CASK: variants seen among roughly 807,000 people sequenced by gnomAD.
The protein encoded by CASK is calcium/calmodulin dependent serine protein kinase.
In CASK, 4 loss-of-function variants were observed where a neutral mutation model predicts 82.9. That is an observed-to-expected ratio of 0.05 (90% CI 0.02 to 0.11). The LOEUF (loss-of-function observed/expected upper bound fraction) is 0.11. Ranked by LOEUF, CASK falls within the 10% of genes least tolerant of loss-of-function variation. CASK has a pLI of 1.00. For synonymous variants in CASK, 259 were observed against 253.5 expected (o/e 1.02, Z -0.20); for missense variants, 358 against 720.9 (o/e 0.50, Z 5.76).
chrX:41,594,759 G>A (rs920529995), intron 12 of CASK, among the ~76,000 whole-genome samples: 12 of 111,735 alleles, frequency 1.1e-4, no homozygotes, highest in African/African-American at 3.3e-4. Flanking sequence ...AAAGCTATGT[G>A]GTAACCCCTG....
rs186167426 is a variant in CASK, at chrX:41,807,011, C to A, written c.173-19728G>T. On this transcript the variant is annotated intron_variant, in intron 2 of 26. Transcript: ENST00000378163. ...AAATTAAATCACAATAAAAAACCCC[C>A]AAAAATCAAAATAAAACAATCTAAG... 3.6e-5 allele frequency among the ~76,000 whole-genome samples: 4 copies of A among 111,469 alleles called. No homozygotes were observed. The Admixed American group carries it at 3.8e-4, about 11-fold the overall frequency.
At chrX:41,522,987 GCTGGTACTTA>G (rs2064659567) in intron 26 of CASK, 1 of 112,241 alleles carries the variant, frequency 8.9e-6, no homozygotes, top group African/African-American at 3.2e-5. Flanking sequence ...CCACCTCCTA[GCTGGTACTTA>G]CAGGCAATTT....
rs184147856 is a variant in CASK, at chrX:41,555,278, G to A, written c.1842+322C>T. ...AAGAATAACTTTTTAGTTAGTCTTA[G>A]AATTCTAAGAATTTTATAACCTTTA... is the stretch of plus-strand genomic sequence containing the variant. On this transcript the variant is annotated intron_variant, in intron 20 of 26. Coordinates refer to ENST00000378163, the MANE Select transcript of CASK (RefSeq NM_001367721.1). 1.3e-4 allele frequency among the ~76,000 whole-genome samples: 15 copies of A among 112,057 alleles called. 1 individual carries two copies. The East Asian group carries it at 4.1e-3, about 31-fold the overall frequency.
intron 8 of CASK, among the ~76,000 whole-genome samples, chrX:41,641,158 G>A (rs776629004): frequency 4.6e-5 from 5 of 109,612 alleles, no homozygotes; most frequent in Non-Finnish European, 7.6e-5. Flanking sequence ...GCTAATTTTT[G>A]TATTTTTAGT....
chrX:41,695,840 G>GGA, intron 5 of CASK: 1 of 1,203,109 alleles, frequency 8.3e-7, no homozygotes, highest in Non-Finnish European at 1.1e-6. Flanking sequence ...TCGTGGGACT[G>GGA]GTTGGGAACA....
At chrX:41,908,443 T>C (rs1335242232) in intron 1 of CASK, among the ~76,000 whole-genome samples, 1 of 111,052 alleles carries the variant, frequency 9.0e-6, no homozygotes, top group Non-Finnish European at 1.9e-5. Context: ...ACAAGGTGGG[T>C]TTTCTCTTGA....
intron 3 of CASK, among the ~76,000 whole-genome samples, chrX:41,757,756 T>A (rs563532425): frequency 7.2e-5 from 8 of 111,811 alleles, no homozygotes; most frequent in African/African-American, 2.6e-4. Context: ...CACCTCAACC[T>A]CCCGAAGTGT....
intron 22 of CASK, among the ~76,000 whole-genome samples, chrX:41,538,847 G>A (rs1449073548): frequency 1.8e-5 from 2 of 111,841 alleles, no homozygotes; most frequent in East Asian, 5.6e-4. Flanking sequence ...GGGTTAAGGA[G>A]TACATACTTG....
intron 1 of CASK, among the ~76,000 whole-genome samples, chrX:41,878,660 A>T (rs1054861844): frequency 3.6e-5 from 4 of 111,124 alleles, no homozygotes; most frequent in Non-Finnish European, 7.6e-5. Context: ...CAGAAATACA[A>T]CAAGTGTAAA....
chrX:41,752,611 T>C (rs944767888), intron 3 of CASK, among the ~76,000 whole-genome samples: 15 of 111,685 alleles, frequency 1.3e-4, no homozygotes, highest in African/African-American at 4.9e-4. Context: ...CTAACAATGA[T>C]AATGAAAAGA....
chrX:41,618,985 C>T (rs2066246229), intron 11 of CASK, among the ~76,000 whole-genome samples: 1 of 109,028 alleles, frequency 9.2e-6, no homozygotes, highest in Admixed American at 9.8e-5. Context: ...CGCCACCACA[C>T]CTGGCTAATT....
At chrX:41,771,393 A>G (rs1454240521) in intron 3 of CASK, among the ~76,000 whole-genome samples, 1 of 112,276 alleles carries the variant, frequency 8.9e-6, no homozygotes. Context: ...AGAGATGCTG[A>G]AAGAATAAAG....
At chrX:41,802,502 T>C (rs981262829) in intron 2 of CASK, among the ~76,000 whole-genome samples, 1 of 112,104 alleles carries the variant, frequency 8.9e-6, no homozygotes, top group Non-Finnish European at 1.9e-5. Flanking sequence ...AAGAAATATT[T>C]TAAAGAATTT....
intron 1 of CASK, among the ~76,000 whole-genome samples, chrX:41,893,089 TA>T (rs761051709): frequency 1.2e-4 from 14 of 112,288 alleles, no homozygotes; most frequent in Non-Finnish European, 2.6e-4. Flanking sequence ...CACAAAACTA[TA>T]AACAGCTATA....
At position 41,519,561 on chromosome X, in the gene CASK, A is replaced by C. The variant is rs748708033; in HGVS notation, c.*859T>G. On this transcript the variant is annotated 3_prime_UTR_variant, in exon 27 of 27. Transcript: ENST00000378163. ...TTTCACTACATGATTATTATTAATA[A>C]AAATCAGTTTCTTTTTTTTTATAAA... 2 of 111,747 alleles carry C rather than the reference A, an allele frequency of 1.8e-5. No individual in the cohort carries two copies. Among genetic ancestry groups the C allele is most frequent in the Non-Finnish European group, 3.8e-5 (2 of 53,179 alleles). 9.2% of individuals were successfully genotyped at this position (111,747 alleles called of 1,213,427 possible).
rs763780051 is a variant in CASK at position 41,726,710 on chromosome X, T to C, written c.429+12674A>G. 1.7e-4 allele frequency: 26 copies of C among 155,305 alleles called. No homozygotes were observed. The East Asian group carries it at 3.3e-3, about 20-fold the overall frequency. The allele number at this position is 155,305 out of a possible 1,213,427, so 12.8% of individuals were successfully genotyped here. On this transcript the variant is annotated intron_variant, in intron 5 of 26. Coordinates refer to ENST00000378163, the MANE Select transcript of CASK (RefSeq NM_001367721.1). ...TGTTTTACAATCTAAGAACTATACA[T>C]TTCTCTAAGTAAAATTATAAATCCC...
chrX:41,660,434 T>C lies in CASK; in HGVS notation c.831+5A>G. On this transcript the variant is annotated splice_donor_5th_base_variant and intron_variant, in intron 8 of 26. Transcript: ENST00000378163. ...GTAGAAGGTGACCTGTGAATGCTCA[T>C]GTACCTTAAGCCATGGGTGATTCAG... 2 of 1,206,298 alleles carry C rather than the reference T, an allele frequency of 1.7e-6. No individual in the cohort carries two copies. Among genetic ancestry groups the C allele is most frequent in the Non-Finnish European group, 2.2e-6 (2 of 890,618 alleles).
At chrX:41,628,702 A>G (rs1334415594) in intron 9 of CASK, among the ~76,000 whole-genome samples, 1 of 112,384 alleles carries the variant, frequency 8.9e-6, no homozygotes, top group Non-Finnish European at 1.9e-5. Context: ...ATTCCAGGTA[A>G]CTTTTGAGAT....
At position 41,542,709 on chromosome X, in the gene CASK, A is replaced by G. The variant is rs1462411870; in HGVS notation, c.2137T>C (p.Leu713=). The change falls in exon 22 of 27, where the codon TTG becomes CTG. Residue 713 remains leucine, a synonymous_variant. Coordinates refer to ENST00000378163, the MANE Select transcript of CASK (RefSeq NM_001367721.1). ...TCCCTACCTGCATTGTGCTTTGCCA[A>G]ATATTTATCTTTGTACTGCTTCTTT... The part of the protein sequence containing the change: ...KKKKQYKDKY[L]AKHNAVFDQL... 1 of 1,201,682 alleles carries G rather than the reference A, an allele frequency of 8.3e-7. No individual in the cohort carries two copies. Among genetic ancestry groups the G allele is most frequent in the Non-Finnish European group, 1.1e-6 (1 of 887,666 alleles).
Sources: allele counts gnomAD v4.1 joint callset (sites outside exome capture counted in the v4.1 genomes callset), GRCh38; gene constraint gnomAD v4.1.1; transcripts MANE v1.5; gene names NCBI Gene and HGNC (gene_info 2026-07-23, HGNC 2026-07-21).